TSHZ3: variants seen among roughly 807,000 people sequenced by gnomAD.
The protein encoded by TSHZ3 is teashirt zinc finger homeobox 3.
Under a neutral mutation model 64.5 loss-of-function variants are expected in TSHZ3, and 10 were observed. The observed-to-expected ratio is 0.16, with a 90% CI of 0.10 to 0.26. The LOEUF (loss-of-function observed/expected upper bound fraction) is 0.26. TSHZ3 is among the 10% of genes least tolerant of loss of function. TSHZ3 has a pLI of 1.00. For missense variants in TSHZ3, 1,242 were observed against 1,421.7 expected (o/e 0.87, Z 2.03); for synonymous variants, 608 against 593.1 (o/e 1.03, Z -0.36).
chr19:31,266,660 G>GA (rs1233898897), intron 1 of TSHZ3, among the ~76,000 whole-genome samples: 1 of 151,928 alleles, frequency 6.6e-6, no homozygotes, highest in African/African-American at 2.4e-5. Flanking sequence ...TCTCCAAAAA[G>GA]AAAAAAAGTT....
chr19:31,329,502 T>C (rs1917015555), intron 1 of TSHZ3, among the ~76,000 whole-genome samples: 1 of 152,212 alleles, frequency 6.6e-6, no homozygotes, highest in Non-Finnish European at 1.5e-5. Flanking sequence ...ATCTCTGCTT[T>C]TGGTCATCAT....
At chr19:31,288,088 C>G (rs922121152) in intron 1 of TSHZ3, among the ~76,000 whole-genome samples, 1 of 152,060 alleles carries the variant, frequency 6.6e-6, no homozygotes, top group African/African-American at 2.4e-5. Flanking sequence ...GCACTAGATA[C>G]CTCGCCAGGA....
chr19:31,240,988 A>G (rs1006183083), intron 3 of TSHZ3, among the ~76,000 whole-genome samples: 6 of 152,142 alleles, frequency 3.9e-5, no homozygotes, highest in African/African-American at 9.7e-5. Context: ...TAGCTCCATC[A>G]TAGGAGTCAT....
intron 4 of TSHZ3, among the ~76,000 whole-genome samples, chr19:31,208,918 G>T (rs749549455): frequency 1.3e-5 from 2 of 152,226 alleles, no homozygotes; most frequent in African/African-American, 2.4e-5. Context: ...GCTGGGGTTG[G>T]TATCAGGTGG....
intron 1 of TSHZ3, 90 bp downstream of exon 1, chr19:31,349,090 G>A: frequency 6.8e-7 from 1 of 1,476,044 alleles, no homozygotes; most frequent in Non-Finnish European, 9.1e-7. Flanking sequence ...CAGAAGAGCG[G>A]GGCGAGGAGC....
rs544247780 is a variant in TSHZ3 at position 31,325,870 on chromosome 19, G to A, written c.40+23310C>T. ...CAGCTCTGTGCAACAAAATATGGTA[G>A]GATATAGCAGCTGAAACCTAACATG... On this transcript the variant is annotated intron_variant, in intron 1 of 1. Coordinates refer to ENST00000240587, the MANE Select transcript of TSHZ3 (RefSeq NM_020856.4). Among the ~76,000 whole-genome samples, 39 of 152,294 alleles carry A rather than the reference G, an allele frequency of 2.6e-4. No homozygotes were observed. In the Middle Eastern group the frequency reaches 0.02, roughly 80 times the overall value.
downstream of TSHZ3, among the ~76,000 whole-genome samples, chr19:31,271,274 C>T (rs1976133397): frequency 6.6e-6 from 1 of 152,154 alleles, no homozygotes; most frequent in African/African-American, 2.4e-5. Flanking sequence ...TTAAAATCCT[C>T]CTGGGGGTCG....
intron 4 of TSHZ3, among the ~76,000 whole-genome samples, chr19:31,213,699 G>A (rs995287865): frequency 3.9e-5 from 6 of 152,162 alleles, no homozygotes; most frequent in Non-Finnish European, 7.3e-5. Flanking sequence ...TGTATCTCTT[G>A]TGAACCAAAA....
At chr19:31,319,730 G>C (rs1916709943) in intron 1 of TSHZ3, among the ~76,000 whole-genome samples, 1 of 152,034 alleles carries the variant, frequency 6.6e-6, no homozygotes, top group Non-Finnish European at 1.5e-5. Context: ...GAAAACAACA[G>C]TGTAACACCT....
At chr19:31,241,896 C>T (rs7250132) in intron 3 of TSHZ3, among the ~76,000 whole-genome samples, 57 of 152,334 alleles carry the variant, frequency 3.7e-4, no homozygotes, top group African/African-American at 1.3e-3. Flanking sequence ...AGAGAACCAA[C>T]TGAGCTATTC....
chr19:31,330,933 T>C (rs1377480610), intron 1 of TSHZ3, among the ~76,000 whole-genome samples: 3 of 152,096 alleles, frequency 2.0e-5, no homozygotes, highest in Non-Finnish European at 2.9e-5. Flanking sequence ...GGCACGGGCA[T>C]GTCCCCAGTC....
chr19:31,158,585 G>A (rs2085468), intron 5 of TSHZ3, among the ~76,000 whole-genome samples: 33,471 of 152,026 alleles, frequency 0.22, 4,439 homozygotes, highest in East Asian at 0.36. Context: ...GCCAGAGTTG[G>A]GGATGGTTTC....
At chr19:31,265,397 C>CAAAAAAAAAAAAAAAAAAAAAAAA (rs11432951) in intron 1 of TSHZ3, among the ~76,000 whole-genome samples, 2 of 34,266 alleles carry the variant, frequency 5.8e-5, no homozygotes, top group East Asian at 1.3e-3. Context: ...AACTCTGTCT[C>CAAAAAAAAAAAAAAAAAAAAAAAA]AAAAAAAAAA....
intron 4 of TSHZ3, among the ~76,000 whole-genome samples, chr19:31,206,105 ATGGATGG>A (rs1975166745): frequency 2.0e-5 from 3 of 151,474 alleles, no homozygotes; most frequent in African/African-American, 7.3e-5. Context: ...GGATGGATGG[ATGGATGG>A]ATGGATGGAT....
chr19:31,342,063 C>G (rs1221893196), intron 1 of TSHZ3, among the ~76,000 whole-genome samples: 1 of 152,208 alleles, frequency 6.6e-6, no homozygotes, highest in Non-Finnish European at 1.5e-5. Flanking sequence ...AGGAGTATTA[C>G]AATAAGGTGT....
intron 5 of TSHZ3, among the ~76,000 whole-genome samples, chr19:31,162,119 C>T (rs752227477): frequency 6.6e-6 from 1 of 152,088 alleles, no homozygotes. Context: ...TTTGAAGCTT[C>T]GTTATTTGCT....
At chr19:31,300,839 T>C (rs1233474747) in intron 1 of TSHZ3, among the ~76,000 whole-genome samples, 1 of 152,040 alleles carries the variant, frequency 6.6e-6, no homozygotes, top group African/African-American at 2.4e-5. Flanking sequence ...ACTTACAAGA[T>C]TGATAATGAC....
chr19:31,172,173 G>A (rs748266677), intron 5 of TSHZ3, among the ~76,000 whole-genome samples: 2 of 152,148 alleles, frequency 1.3e-5, no homozygotes, highest in African/African-American at 4.8e-5. Context: ...AAGATTTAGG[G>A]CAGAGGTTTG....
chr19:31,212,449 CTG>C (rs1309260049), intron 4 of TSHZ3, among the ~76,000 whole-genome samples: 1 of 152,052 alleles, frequency 6.6e-6, no homozygotes, highest in East Asian at 1.9e-4. Flanking sequence ...CAGAGTGAAA[CTG>C]TGTCTCAAAA....
Sources: gnomAD v4.1 joint callset for allele counts (sites outside exome capture counted in the v4.1 genomes callset) on GRCh38, gnomAD v4.1.1 for gene constraint, MANE v1.5 for transcripts, NCBI Gene and HGNC (gene_info 2026-07-23, HGNC 2026-07-21) for gene names.